The following ANTXR1 variants were observed in gnomAD, a reference collection of about 807,000 sequenced individuals.
ANTXR1 encodes anthrax toxin receptor 1.
In ANTXR1, 19 loss-of-function variants were observed where a neutral mutation model predicts 78.1. That is an observed-to-expected ratio of 0.24 (90% CI 0.17 to 0.36). The LOEUF (loss-of-function observed/expected upper bound fraction) is 0.36. Among genes scored for constraint, ANTXR1 ranks in the 10% least tolerant of loss-of-function variants. ANTXR1 has a pLI of 1.00. For missense variants in ANTXR1, 518 were observed against 718.6 expected, an observed-to-expected ratio of 0.72 and a Z score of 3.19; for synonymous variants, 273 against 260.5, an observed-to-expected ratio of 1.05 and a Z score of -0.46.
Position 69,170,169 on chromosome 2 carries a change from G to A in ANTXR1, c.1048-79G>A, listed in dbSNP as rs374541040. On this transcript the variant is annotated intron_variant, in intron 13 of 17. Coordinates refer to ENST00000303714, the MANE Select transcript of ANTXR1 (RefSeq NM_032208.3). ...ATGGTAATTATGGCAGCACCACCAC[G>A]GTACCTCCTGACAGCAAGCCTCTTA... 2.6e-5 allele frequency: 39 copies of A among 1,516,844 alleles called. No homozygotes were observed. The African/African-American group carries it at 2.6e-4, about 10-fold the overall frequency. 94.0% of individuals were successfully genotyped at this position (1,516,844 alleles called of 1,614,324 possible).
At chr2:69,127,878 G>A (rs955525807) in intron 12 of ANTXR1, among the ~76,000 whole-genome samples, 16 of 152,044 alleles carry the variant, frequency 1.1e-4, no homozygotes, top group African/African-American at 3.9e-4. Context: ...AGGGAGGAGG[G>A]GGAACAATCA....
intron 3 of ANTXR1, among the ~76,000 whole-genome samples, chr2:69,047,206 A>T (rs1669795071): frequency 6.6e-6 from 1 of 152,322 alleles, no homozygotes; most frequent in East Asian, 1.9e-4. Flanking sequence ...GCCTATACCA[A>T]GGAATGACTG....
intron 14 of ANTXR1, chr2:69,172,417 C>G (rs569303463): frequency 6.2e-7 from 1 of 1,607,462 alleles, no homozygotes; most frequent in Non-Finnish European, 8.5e-7. Context: ...CCCACAGAAA[C>G]AGATAACCTA....
At chr2:69,229,244 A>G (rs1165935458) in intron 17 of ANTXR1, among the ~76,000 whole-genome samples, 1 of 152,248 alleles carries the variant, frequency 6.6e-6, no homozygotes, top group Non-Finnish European at 1.5e-5. Flanking sequence ...CAGGAAGCAC[A>G]GAAGCAAACT....
intron 16 of ANTXR1, among the ~76,000 whole-genome samples, chr2:69,186,592 C>T (rs914531199): frequency 2.0e-5 from 3 of 152,198 alleles, no homozygotes; most frequent in Non-Finnish European, 2.9e-5. Context: ...CTGGCAACAG[C>T]GAGAGCTGTT....
chr2:69,172,446 A>G, intron 14 of ANTXR1: 1 of 1,584,120 alleles, frequency 6.3e-7, no homozygotes, highest in South Asian at 1.1e-5. Context: ...CGTGCAACGT[A>G]TTTTATACAA....
At position 69,245,214 on chromosome 2, in the gene ANTXR1, T is replaced by A. The variant is rs1675988615; in HGVS notation, c.1435-11T>A. 2 of 1,613,854 alleles carry A rather than the reference T, an allele frequency of 1.2e-6. No individual in the cohort carries two copies. Among genetic ancestry groups the A allele is most frequent in the Non-Finnish European group, 1.7e-6 (2 of 1,180,000 alleles). ...TCCGCTCACGTTTCCTTCTCTCCAATTCTTTTCTAGGGGCGCTGCATCAAC... is the reference window on the plus strand; with the variant it reads ...TCCGCTCACGTTTCCTTCTCTCCAAATCTTTTCTAGGGGCGCTGCATCAAC... On this transcript the variant is annotated splice_polypyrimidine_tract_variant and intron_variant, in intron 17 of 17. Coordinates refer to ENST00000303714, the MANE Select transcript of ANTXR1 (RefSeq NM_032208.3).
intron 17 of ANTXR1, among the ~76,000 whole-genome samples, chr2:69,205,209 G>C (rs1156445101): frequency 6.6e-6 from 1 of 152,148 alleles, no homozygotes; most frequent in Non-Finnish European, 1.5e-5. Flanking sequence ...AAAGAGAAGA[G>C]ACCATTTGGC....
intron 9 of ANTXR1, among the ~76,000 whole-genome samples, chr2:69,098,650 A>G (rs949540614): frequency 1.3e-5 from 2 of 152,208 alleles, no homozygotes; most frequent in African/African-American, 4.8e-5. Flanking sequence ...CTTTTTTTAA[A>G]TTGAGCTATA....
chr2:69,245,770 G>T lies in ANTXR1; in HGVS notation c.*285G>T. ...TGAAACTGCAAGATGCTCTCAACAG[G>T]ATTATGTCTCATGGAGACCAGTAAG... On this transcript the variant is annotated 3_prime_UTR_variant, in exon 18 of 18. Transcript: ENST00000303714. 1 of 403,284 alleles carries T rather than the reference G, an allele frequency of 2.5e-6. No homozygotes were observed. The highest frequency in any genetic ancestry group is 4.4e-6 in the Non-Finnish European group (1 of 225,196). 25.0% of individuals were successfully genotyped at this position (403,284 alleles called of 1,614,324 possible). A position where few individuals can be genotyped will look rare whatever the true frequency, so the allele number is the denominator to read the frequency against.
At chr2:69,085,391 C>G (rs756700339) in intron 8 of ANTXR1, among the ~76,000 whole-genome samples, 1 of 151,990 alleles carries the variant, frequency 6.6e-6, no homozygotes, top group Non-Finnish European at 1.5e-5. Flanking sequence ...AAATTGGCCT[C>G]TTGGGAAGGC....
chr2:69,179,169 C>T (rs1674209751), intron 14 of ANTXR1, among the ~76,000 whole-genome samples: 1 of 152,120 alleles, frequency 6.6e-6, no homozygotes, highest in Non-Finnish European at 1.5e-5. Context: ...AAAGAAACCT[C>T]GGAAATTCTA....
At chr2:69,185,993 GTT>G (rs929785339) in intron 16 of ANTXR1, among the ~76,000 whole-genome samples, 5 of 152,156 alleles carry the variant, frequency 3.3e-5, no homozygotes, top group Non-Finnish European at 7.3e-5. Context: ...GATTACTCAT[GTT>G]TATGAGCCTT....
intron 12 of ANTXR1, among the ~76,000 whole-genome samples, chr2:69,128,104 G>A (rs1672607101): frequency 6.6e-6 from 1 of 151,958 alleles, no homozygotes; most frequent in African/African-American, 2.4e-5. Context: ...CATGCCTGTA[G>A]TCCCAGCTAC....
Position 69,036,694 on chromosome 2 carries a change from G to A in ANTXR1, c.153-3350G>A, listed in dbSNP as rs1301892999. On this transcript the variant is annotated intron_variant, in intron 1 of 17. Coordinates refer to ENST00000303714, the MANE Select transcript of ANTXR1 (RefSeq NM_032208.3). ...AACACAGCATTGCATTTCAGAAGTG[G>A]CCACTAATGGCCAGTCTTTAAGGAA... is the stretch of plus-strand genomic sequence containing the variant. 3.3e-5 allele frequency among the ~76,000 whole-genome samples: 5 copies of A among 152,304 alleles called. No individual in the cohort carries two copies. The South Asian group carries it at 6.2e-4, about 19-fold the overall frequency.
At chr2:69,186,955 G>A (rs1254223708) in intron 16 of ANTXR1, among the ~76,000 whole-genome samples, 2 of 152,288 alleles carry the variant, frequency 1.3e-5, no homozygotes, top group African/African-American at 2.4e-5. Context: ...TTGTACCTCT[G>A]CTATAAGCAA....
chr2:69,023,074 G>A (rs1671240554), intron 1 of ANTXR1, among the ~76,000 whole-genome samples: 1 of 152,210 alleles, frequency 6.6e-6, no homozygotes, highest in South Asian at 2.1e-4. Context: ...TCGGAATCAG[G>A]CATCTGCAGC....
intron 3 of ANTXR1, among the ~76,000 whole-genome samples, chr2:69,045,111 A>C (rs1307511501): frequency 6.6e-6 from 1 of 152,192 alleles, no homozygotes; most frequent in Non-Finnish European, 1.5e-5. Flanking sequence ...AAATGTTGGC[A>C]AACCATATTA....
chr2:69,182,814 T>A, intron 16 of ANTXR1, 154 bp downstream of exon 16: 1 of 972,404 alleles, frequency 1.0e-6, no homozygotes, highest in Non-Finnish European at 1.5e-6. Context: ...AAAGTACTAG[T>A]AATTACTTTG....
Sources: gnomAD v4.1 joint callset for allele counts (sites outside exome capture counted in the v4.1 genomes callset) on GRCh38, gnomAD v4.1.1 for gene constraint, MANE v1.5 for transcripts, NCBI Gene and HGNC (gene_info 2026-07-23, HGNC 2026-07-21) for gene names.